KRT31: variants seen among roughly 807,000 people sequenced by gnomAD.
The protein encoded by KRT31 is keratin 31.
In KRT31, 27 loss-of-function variants were observed where a neutral mutation model predicts 40.8. The observed-to-expected ratio is 0.66, with a 90% confidence interval of 0.49 to 0.91. The LOEUF is 0.91. Ranked by LOEUF, KRT31 falls within the 40% of genes least tolerant of loss-of-function variation. KRT31 has a pLI of 0.00. For missense variants in KRT31, 510 were observed against 544.1 expected (o/e 0.94, Z 0.62); for synonymous variants, 231 against 231.9 (o/e 1.00, Z 0.03).
Position 41,396,931 on chromosome 17 carries a change from G to T in KRT31, c.413C>A (p.Ala138Glu), listed in dbSNP as rs200375490. 349 of 1,613,828 alleles carry T rather than the reference G, an allele frequency of 2.2e-4. 1 individual carries two copies. Among genetic ancestry groups the T allele is most frequent in the South Asian group, 3.4e-4 (31 of 91,076 alleles). Residue 138 changes from alanine to glutamate, a missense_variant, in exon 2 of 7, where the codon GCG becomes GAG. By Grantham distance (107) the Ala-to-Glu change is moderately radical. Transcript: ENST00000251645. ...VVQIDNAKLA[A>E]DDFRTKYQTE... ...AACTCACTTGGTTCTGAAATCATCC[G>T]CAGCCAGCTTGGCGTTGTCGATCTG...
In KRT31 at chr17:41,397,570, C is replaced by T. The variant is rs538760332; in HGVS notation, c.-31G>A. Reference sequence around the variant, plus strand: ...TGGGAGGGAGGGAGGGAGTGCCTGGCTGAAGACAGAGTCTAAATTCTCCAA... The same window carrying T: ...TGGGAGGGAGGGAGGGAGTGCCTGGTTGAAGACAGAGTCTAAATTCTCCAA... On this transcript the variant is annotated 5_prime_UTR_variant, in exon 1 of 7. Transcript: ENST00000251645. 3.2e-6 allele frequency: 5 copies of T among 1,573,322 alleles called. No individual in the cohort carries two copies. Among genetic ancestry groups the T allele is most frequent in the Admixed American group, 3.7e-5 (2 of 54,104 alleles).
chr17:41,395,039 C>A lies in KRT31; in HGVS notation c.906G>T (p.Glu302Asp), dbSNP rs558246350. 6.2e-7 allele frequency: 1 copy of A among 1,614,252 alleles called. No individual in the cohort carries two copies. The highest frequency in any genetic ancestry group is 1.1e-5 in the South Asian group (1 of 91,084). Residue 302 changes from glutamate to aspartate, a missense_variant, in exon 6 of 7, where the codon GAG becomes GAT. By Grantham distance (45) the Glu-to-Asp change is conservative (BLOSUM62 2). Coordinates refer to ENST00000251645, the MANE Select transcript of KRT31 (RefSeq NM_002277.3). ...GCTGGGAGCTGTAGCGGGCCTCACTCTCTGTCAGCGTGTTTTCCAGAGAGT... is the reference window on the plus strand; with the variant it reads ...GCTGGGAGCTGTAGCGGGCCTCACTATCTGTCAGCGTGTTTTCCAGAGAGT... Reference protein sequence around the residue: ...LRDSLENTLTESEARYSSQLS... With the variant: ...LRDSLENTLTDSEARYSSQLS...
intron 3 of KRT31, 60 bp downstream of exon 3, chr17:41,396,360 T>G: frequency 6.4e-7 from 1 of 1,550,868 alleles, no homozygotes; most frequent in Non-Finnish European, 8.8e-7. Context: ...CCCAAATCAC[T>G]AAAGCAACCC....
Position 41,395,305 on chromosome 17 carries a change from G to C in KRT31, c.816C>G (p.Ile272Met), listed in dbSNP as rs761320853. 1.2e-6 allele frequency: 2 copies of C among 1,613,430 alleles called. No homozygotes were observed. Among genetic ancestry groups the C allele is most frequent in the Non-Finnish European group, 1.7e-6 (2 of 1,180,046 alleles). The change falls in exon 5 of 7, where the codon ATC becomes ATG. Residue 272 changes from isoleucine (I) to methionine (M), a missense_variant. By Grantham distance (10) the Ile-to-Met change is conservative. Transcript: ENST00000251645. ...SEQLQSYQAE[I>M]IELRRTVNAL... ...CGTTGACTGTGCGTCTCAGCTCGATGATCTCCGCCTGGTAGGACTGCAGCT... is the reference window on the plus strand; with the variant it reads ...CGTTGACTGTGCGTCTCAGCTCGATCATCTCCGCCTGGTAGGACTGCAGCT...
Position 41,395,061 on chromosome 17 carries a change from G to C in KRT31, c.884C>G (p.Ser295Cys). 6.2e-7 allele frequency: 1 copy of C among 1,614,240 alleles called. No homozygotes were observed. The highest frequency in any genetic ancestry group is 1.1e-5 in the South Asian group (1 of 91,086). ...ELQAQHNLRDSLENTLTESEA... is the reference protein window; with the variant it reads ...ELQAQHNLRDCLENTLTESEA... Reference sequence around the variant, plus strand: ...ACTCTCTGTCAGCGTGTTTTCCAGAGAGTCTCGCTGTGGTGGAGAAGATTG... The same window carrying C: ...ACTCTCTGTCAGCGTGTTTTCCAGACAGTCTCGCTGTGGTGGAGAAGATTG... Residue 295 changes from serine (S) to cysteine (C), a missense_variant, in exon 6 of 7, where the codon TCT becomes TGT. Transcript: ENST00000251645.
At position 41,395,608 on chromosome 17, in the gene KRT31, G is replaced by T. The variant is rs764580873; in HGVS notation, c.604C>A (p.Arg202Ser). ...SNHEQEVNTL[R>S]CQLGDRLNVE... ...TTGAGGCGGTCTCCAAGCTGGCAGC[G>T]CAGGGTATTGACCTCCTATGGATGC... Residue 202 changes from arginine (R) to serine (S), a missense_variant, in exon 4 of 7, where the codon CGC becomes AGC. Coordinates refer to ENST00000251645, the MANE Select transcript of KRT31 (RefSeq NM_002277.3). The T allele has an allele frequency of 6.2e-6, 10 of 1,614,122 alleles. No homozygotes were observed. The South Asian group carries it at 8.8e-5, about 14-fold the overall frequency.
intron 4 of KRT31, 31 bp from the exon 5 acceptor site, chr17:41,395,401 C>A: frequency 1.2e-6 from 2 of 1,614,108 alleles, no homozygotes; most frequent in Non-Finnish European, 1.7e-6. Flanking sequence ...AAGGATCAGA[C>A]CCTGCCTCCG....
In KRT31 at chr17:41,396,566, C is replaced by G. The variant is rs778868618; in HGVS notation, c.442G>C (p.Glu148Gln). ...ADDFRTKYQT[E>Q]LSLRQLVESD... Reference sequence around the variant, plus strand: ...TCCACCAGCTGCCGCAGGGACAGCTCGGTCTGGTACCTGCGCAAGGACAGG... The same window carrying G: ...TCCACCAGCTGCCGCAGGGACAGCTGGGTCTGGTACCTGCGCAAGGACAGG... Residue 148 changes from glutamate (E) to glutamine (Q), a missense_variant, in exon 3 of 7, where the codon GAG (glutamate) becomes CAG (glutamine). Physicochemically the swap from Glu to Gln is conservative, Grantham distance 29 (BLOSUM62 2). Coordinates refer to ENST00000251645, the MANE Select transcript of KRT31 (RefSeq NM_002277.3). 6.2e-7 allele frequency: 1 copy of G among 1,613,864 alleles called. No homozygotes were observed. The highest frequency in any genetic ancestry group is 8.5e-7 in the Non-Finnish European group (1 of 1,179,826).
chr17:41,395,439 G>T (rs201699926), intron 4 of KRT31, 23 bp downstream of exon 4: 39 of 1,613,884 alleles, frequency 2.4e-5, no homozygotes, highest in Admixed American at 1.5e-4. Context: ...GGGTCCTGAG[G>T]GGCCACGTGC....
At position 41,395,553 on chromosome 17, in the gene KRT31, T is replaced by C; in HGVS notation, c.659A>G (p.Asp220Gly). The change falls in exon 4 of 7, where the codon GAC becomes GGC. Residue 220 changes from aspartate to glycine, a missense_variant. Asp to Gly is a moderately conservative substitution (Grantham distance 94). Transcript: ENST00000251645. ...GGTCTCGTTCAGCACCCGATTCAGG[T>C]CCACAGTGGGAGCAGCATCCACCTC... The part of the protein sequence containing the change: ...NVEVDAAPTV[D>G]LNRVLNETRS... 6.2e-7 allele frequency: 1 copy of C among 1,614,196 alleles called. No individual in the cohort carries two copies. The highest frequency in any genetic ancestry group is 8.5e-7 in the Non-Finnish European group (1 of 1,180,022).
Position 41,397,502 on chromosome 17 carries a change from C to T in KRT31, c.38G>A (p.Arg13His), listed in dbSNP as rs371629655. 4.7e-6 allele frequency: 7 copies of T among 1,476,364 alleles called. No homozygotes were observed. Among genetic ancestry groups the T allele is most frequent in the South Asian group, 2.2e-5 (2 of 89,080 alleles). The allele number at this position is 1,476,364 out of a possible 1,614,324, so 91.5% of individuals were successfully genotyped here. Residue 13 changes from arginine (R) to histidine (H), a missense_variant, in exon 1 of 7, where the codon CGC (arginine) becomes CAC (histidine). Arg to His is a conservative substitution (Grantham distance 29). Transcript: ENST00000251645. ...YNFCLPSLSCRTSCSSRPCVP... is the reference protein window; with the variant it reads ...YNFCLPSLSCHTSCSSRPCVP... ...GCAGGGCCGGGAGGAGCAGCTGGTG[C>T]GGCAGCTCAGGCTGGGCAGGCAGAA...
Position 41,393,889 on chromosome 17 carries a change from G to T in KRT31, c.*127C>A. The T allele has an allele frequency of 9.6e-7, 1 of 1,039,212 alleles. No homozygotes were observed. The highest frequency in any genetic ancestry group is 1.4e-6 in the Non-Finnish European group (1 of 737,596). 64.4% of individuals were successfully genotyped at this position (1,039,212 alleles called of 1,614,324 possible). Reference sequence around the variant, plus strand: ...CTACAGGCTTTGGGTGAGTTTCTTGGCTGCCTTACGCGGGCAACTCCAGCC... The same window carrying T: ...CTACAGGCTTTGGGTGAGTTTCTTGTCTGCCTTACGCGGGCAACTCCAGCC... On this transcript the variant is annotated 3_prime_UTR_variant, in exon 7 of 7. Coordinates refer to ENST00000251645, the MANE Select transcript of KRT31 (RefSeq NM_002277.3).
chr17:41,394,060 C>G lies in KRT31; in HGVS notation c.1207G>C (p.Ala403Pro). ...CVPPAPCTPC[A>P]PRPRCGPCNS... ...CAGGGCCCACAGCGGGGGCGTGGGG[C>G]ACAGGGTGTGCAGGGGGCAGGAGGG... is the stretch of plus-strand genomic sequence containing the variant. Residue 403 changes from alanine (A) to proline (P), a missense_variant, in exon 7 of 7, where the codon GCC (alanine) becomes CCC (proline). Transcript: ENST00000251645. The G allele has an allele frequency of 6.2e-7, 1 of 1,613,512 alleles. No homozygotes were observed.
At chr17:41,397,105 C>T (rs2018242524) in intron 1 of KRT31, 87 bp downstream of exon 1, 3 of 1,580,140 alleles carry the variant, frequency 1.9e-6, no homozygotes, top group Non-Finnish European at 2.6e-6. Context: ...AGAATTATGA[C>T]AGCACAGAAG....
In KRT31 at chr17:41,396,492, G is replaced by T. The variant is rs1324207570; in HGVS notation, c.516C>A (p.Cys172Ter). ...CCACCTGGGCCTCCAGGTCGGACTT[G>T]CACAGGGTCAGCTCATCCAGGATCC... is the stretch of plus-strand genomic sequence containing the variant. The part of the protein sequence containing the change: ...LRRILDELTL[C>*]KSDLEAQVES... The change falls in exon 3 of 7, where the codon TGC becomes TGA. Residue 172 changes from cysteine (C) to a stop codon, truncating the protein, a stop_gained. Coordinates refer to ENST00000251645, the MANE Select transcript of KRT31 (RefSeq NM_002277.3). LOFTEE classifies it high-confidence loss of function. 6.2e-7 allele frequency: 1 copy of T among 1,614,180 alleles called. No homozygotes were observed. The highest frequency in any genetic ancestry group is 8.5e-7 in the Non-Finnish European group (1 of 1,180,020).
rs2018212007 is a variant in KRT31 at position 41,395,557 on chromosome 17, C to A, written c.655G>T (p.Val219Leu). The A allele has an allele frequency of 1.2e-6, 2 of 1,614,120 alleles. No individual in the cohort carries two copies. The highest frequency in any genetic ancestry group is 1.7e-6 in the Non-Finnish European group (2 of 1,180,048). Residue 219 changes from valine to leucine, a missense_variant, in exon 4 of 7, where the codon GTG (valine) becomes TTG (leucine). By Grantham distance (32) the Val-to-Leu change is conservative. Coordinates refer to ENST00000251645, the MANE Select transcript of KRT31 (RefSeq NM_002277.3). ...TCGTTCAGCACCCGATTCAGGTCCACAGTGGGAGCAGCATCCACCTCCACA... is the reference window on the plus strand; with the variant it reads ...TCGTTCAGCACCCGATTCAGGTCCAAAGTGGGAGCAGCATCCACCTCCACA... ...LNVEVDAAPT[V>L]DLNRVLNETR...
intron 6 of KRT31, 98 bp from the exon 7 acceptor site, chr17:41,394,267 A>C: frequency 3.1e-6 from 4 of 1,309,066 alleles, no homozygotes; most frequent in Non-Finnish European, 4.3e-6. Context: ...GGGTCAAGGG[A>C]CTTGACCTGG....
Position 41,395,195 on chromosome 17 carries a change from T to G in KRT31, c.876+50A>C, listed in dbSNP as rs2018201253. 14 of 1,612,038 alleles carry G rather than the reference T, an allele frequency of 8.7e-6. No individual in the cohort carries two copies. In the East Asian group the frequency reaches 2.9e-4, roughly 33 times the overall value. On this transcript the variant is annotated intron_variant, in intron 5 of 6. Transcript: ENST00000251645. ...GTGGCCCCAAGCACATCCCCGGGAC[T>G]CTGCCTCCCAAGTTCCCGTCGCTCA...
chr17:41,395,730 CTT>C lies in KRT31; in HGVS notation c.589-109_589-108del, dbSNP rs1850579501. On this transcript the variant is annotated intron_variant, in intron 3 of 6. Transcript: ENST00000251645. Reference sequence around the variant, plus strand: ...TTAGTCTATTTTCTCGGAAAAGAAACTTTGAGTGGAGCAGTTTGTGACAGCTC... The same window carrying C: ...TTAGTCTATTTTCTCGGAAAAGAAACTGAGTGGAGCAGTTTGTGACAGCTC... The C allele has an allele frequency of 3.0e-6, 4 of 1,343,772 alleles. No individual in the cohort carries two copies. The South Asian group carries it at 5.8e-5, about 19-fold the overall frequency. The allele number at this position is 1,343,772 out of a possible 1,614,324, so 83.2% of individuals were successfully genotyped here. A position where few individuals can be genotyped will look rare whatever the true frequency, so the allele number is the denominator to read the frequency against.
Sources: allele counts gnomAD v4.1 joint callset, GRCh38; gene constraint gnomAD v4.1.1; transcripts MANE v1.5; gene names NCBI Gene and HGNC (gene_info 2026-07-23, HGNC 2026-07-21).